Variants in TRMT9B observed in about 807,000 individuals in gnomAD.
The protein encoded by TRMT9B is tRNA methyltransferase 9B (putative).
A neutral mutation model predicts 11.5 loss-of-function variants in TRMT9B; 16 were observed. The observed-to-expected ratio is 1.39, with a 90% CI of 0.94 to 2.11. The LOEUF (loss-of-function observed/expected upper bound fraction) is 2.11. TRMT9B is among the 30% of genes most tolerant of loss of function. The pLI is 0.00. For synonymous variants in TRMT9B, 274 were observed against 192.4 expected (o/e 1.42, Z -3.51); for missense variants, 941 against 553.8 (o/e 1.70, Z -7.02).
intron 2 of TRMT9B, among the ~76,000 whole-genome samples, chr8:12,996,761 G>A (rs369712747): frequency 2.2e-4 from 34 of 152,180 alleles, no homozygotes; most frequent in African/African-American, 8.2e-4. Flanking sequence ...ATAAATGAAT[G>A]AATTTTTCAT....
intron 3 of TRMT9B, chr8:13,010,617 G>C (rs1343659704): frequency 1.1e-5 from 11 of 985,028 alleles, no homozygotes; most frequent in Non-Finnish European, 1.2e-5. Flanking sequence ...AAAGACCTCT[G>C]TTTCCTTCTT....
chr8:12,956,083 C>T (rs966992599), intron 1 of TRMT9B, among the ~76,000 whole-genome samples: 6 of 152,186 alleles, frequency 3.9e-5, no homozygotes, highest in African/African-American at 1.4e-4. Flanking sequence ...CACTTTCCTT[C>T]TTACGCTACT....
intron 1 of TRMT9B, among the ~76,000 whole-genome samples, chr8:12,979,703 C>T (rs376705116): frequency 1.3e-5 from 2 of 152,122 alleles, no homozygotes; most frequent in Non-Finnish European, 2.9e-5. Context: ...GAGTCCCATT[C>T]TGGACTTAAT....
chr8:13,021,475 G>T lies in TRMT9B; in HGVS notation c.796G>T (p.Glu266Ter), dbSNP rs767107355. 1 of 1,614,016 alleles carries T rather than the reference G, an allele frequency of 6.2e-7. No homozygotes were observed. The highest frequency in any genetic ancestry group is 2.2e-5 in the East Asian group (1 of 44,892). Residue 266 changes from glutamate (E) to a stop codon, truncating the protein, a stop_gained, in exon 5 of 5, where the codon GAA becomes TAA. Transcript: ENST00000524591. LOFTEE classifies it low-confidence loss of function (END_TRUNC). Reference sequence around the variant, plus strand: ...TGAATCGACTCTGAGGAAGCAAATTGAAAGAGTAAGACCCTTGAAAAACAC... The same window carrying T: ...TGAATCGACTCTGAGGAAGCAAATTTAAAGAGTAAGACCCTTGAAAAACAC... ...LDESTLRKQIERVRPLKNTEV... is the reference protein window; with the variant it reads ...LDESTLRKQI
intron 2 of TRMT9B, among the ~76,000 whole-genome samples, chr8:13,005,637 G>C (rs1348296181): frequency 2.0e-5 from 3 of 152,118 alleles, no homozygotes; most frequent in Admixed American, 6.5e-5. Context: ...AAATAATTAT[G>C]ACGTAATTGA....
At chr8:13,005,733 T>G (rs17180442) in intron 2 of TRMT9B, among the ~76,000 whole-genome samples, 21,371 of 152,146 alleles carry the variant, frequency 0.14, 1,504 homozygotes, top group African/African-American at 0.16. Flanking sequence ...TATACTAAAA[T>G]AAAAGCAGTA....
intron 1 of TRMT9B, among the ~76,000 whole-genome samples, chr8:12,983,739 C>G (rs994242353): frequency 2.0e-5 from 3 of 152,074 alleles, no homozygotes; most frequent in African/African-American, 4.8e-5. Flanking sequence ...TCTTTTTGGT[C>G]CCTCAACTGC....
chr8:12,968,939 A>T (rs1418173579), intron 1 of TRMT9B, among the ~76,000 whole-genome samples: 2 of 152,150 alleles, frequency 1.3e-5, no homozygotes, highest in Non-Finnish European at 1.5e-5. Flanking sequence ...GGGCTGGGTG[A>T]GGTGGCTCAT....
intron 1 of TRMT9B, among the ~76,000 whole-genome samples, chr8:12,984,382 T>A (rs1007625610): frequency 2.2e-4 from 33 of 152,202 alleles, no homozygotes; most frequent in African/African-American, 7.7e-4. Flanking sequence ...TAATTCATCG[T>A]CACGTTTCCC....
intron 4 of TRMT9B, among the ~76,000 whole-genome samples, chr8:13,018,388 C>T (rs1307524267): frequency 1.1e-5 from 1 of 91,016 alleles, no homozygotes; most frequent in Non-Finnish European, 2.5e-5. Flanking sequence ...CAGAGCAAGA[C>T]CCTGTCTCAA....
intron 1 of TRMT9B, among the ~76,000 whole-genome samples, chr8:12,982,991 C>G (rs941624573): frequency 1.8e-4 from 28 of 152,202 alleles, no homozygotes; most frequent in Non-Finnish European, 5.9e-5. Context: ...TGTTCAGGCA[C>G]CAACCACGGG....
rs983351338 is a variant in TRMT9B, at chr8:13,024,929, G to C, written c.*2885G>C. On this transcript the variant is annotated 3_prime_UTR_variant, in exon 5 of 5. Coordinates refer to ENST00000524591, the MANE Select transcript of TRMT9B (RefSeq NM_020844.3). ...ATTTTTTTTAAAAAGCCATTGAAGAGCAAAACTAATGTAAACGTCTTGATC... is the reference window on the plus strand; with the variant it reads ...ATTTTTTTTAAAAAGCCATTGAAGACCAAAACTAATGTAAACGTCTTGATC... 1.2e-5 allele frequency: 2 copies of C among 166,918 alleles called. No individual in the cohort carries two copies. The highest frequency in any genetic ancestry group is 2.4e-5 in the African/African-American group (1 of 41,398). 10.3% of individuals were successfully genotyped at this position (166,918 alleles called of 1,614,324 possible). A position where few individuals can be genotyped will look rare whatever the true frequency, so the allele number is the denominator to read the frequency against.
intron 1 of TRMT9B, chr8:12,952,638 T>G (rs1354957109): frequency 1.0e-6 from 1 of 976,578 alleles, no homozygotes; most frequent in East Asian, 1.1e-4. Flanking sequence ...TAAGATAACT[T>G]GAAGCCAGAA....
Position 13,025,644 on chromosome 8 carries a change from T to C in TRMT9B, c.*3600T>C, listed in dbSNP as rs931560192. ...AAAGGATGGAATCAAAATAATGTTATAGTGAGAATCATTCAAGCACCTATT... is the reference window on the plus strand; with the variant it reads ...AAAGGATGGAATCAAAATAATGTTACAGTGAGAATCATTCAAGCACCTATT... On this transcript the variant is annotated 3_prime_UTR_variant, in exon 5 of 5. Transcript: ENST00000524591. 6.0e-6 allele frequency: 1 copy of C among 167,090 alleles called. No homozygotes were observed. The highest frequency in any genetic ancestry group is 2.1e-4 in the South Asian group (1 of 4,838). The allele number at this position is 167,090 out of a possible 1,614,324, so 10.4% of individuals were successfully genotyped here. A position where few individuals can be genotyped will look rare whatever the true frequency, so the allele number is the denominator to read the frequency against.
In TRMT9B at chr8:13,021,222, T is replaced by C. The variant is rs765285153; in HGVS notation, c.543T>C (p.Cys181=). ...ESSQSGRKRQ[C]GYPERGHPYH... ...GCCAGTCTGGGAGGAAGAGGCAGTG[T>C]GGATACCCAGAAAGAGGCCATCCCT... is the stretch of plus-strand genomic sequence containing the variant. Residue 181 remains cysteine, a synonymous_variant, in exon 5 of 5, where the codon TGT becomes TGC. Transcript: ENST00000524591. The C allele has an allele frequency of 4.3e-6, 7 of 1,613,766 alleles. No individual in the cohort carries two copies. Among genetic ancestry groups the C allele is most frequent in the African/African-American group, 1.3e-5 (1 of 74,926 alleles).
At chr8:12,981,228 C>A (rs984570872) in intron 1 of TRMT9B, among the ~76,000 whole-genome samples, 1 of 152,316 alleles carries the variant, frequency 6.6e-6, no homozygotes, top group East Asian at 1.9e-4. Flanking sequence ...AAGAGTTTCT[C>A]TCCATGATAG....
At chr8:12,946,449 A>G (rs1800268689) in intron 1 of TRMT9B, among the ~76,000 whole-genome samples, 1 of 152,174 alleles carries the variant, frequency 6.6e-6, no homozygotes, top group African/African-American at 2.4e-5. Context: ...GAAGAAGCAG[A>G]GTCTAAGAAT....
At chr8:12,963,319 G>A (rs370164143) in intron 1 of TRMT9B, among the ~76,000 whole-genome samples, 3 of 152,070 alleles carry the variant, frequency 2.0e-5, no homozygotes, top group Non-Finnish European at 2.9e-5. Flanking sequence ...TGTAATCCCC[G>A]CTACTCAGGA....
chr8:12,998,637 A>C (rs1585280448), intron 2 of TRMT9B, among the ~76,000 whole-genome samples: 1 of 152,348 alleles, frequency 6.6e-6, no homozygotes, highest in South Asian at 2.1e-4. Context: ...ATTTAGTTAT[A>C]GCACCTCCTC....
Sources: allele counts gnomAD v4.1 joint callset (sites outside exome capture counted in the v4.1 genomes callset), GRCh38; gene constraint gnomAD v4.1.1; transcripts MANE v1.5; gene names NCBI Gene and HGNC (gene_info 2026-07-23, HGNC 2026-07-21).